The following ARHGAP35 variants were observed in gnomAD, a reference collection of about 807,000 sequenced individuals.
The protein encoded by ARHGAP35 is Rho GTPase activating protein 35.
A neutral mutation model predicts 111.1 loss-of-function variants in ARHGAP35; 15 were observed. The ratio of observed to expected loss-of-function variants is 0.13; its 90% CI spans 0.09 to 0.21. The LOEUF (loss-of-function observed/expected upper bound fraction) is 0.21. Ranked by LOEUF, ARHGAP35 falls within the 10% of genes least tolerant of loss-of-function variation. The probability of loss-of-function intolerance (pLI) is 1.00; values close to 1 mark genes in which losing one functional copy is unlikely to be tolerated. For missense variants in ARHGAP35, 1,262 were observed against 1,873.0 expected (o/e 0.67, Z 6.02); for synonymous variants, 643 against 710.3 (o/e 0.91, Z 1.51).
chr19:46,972,963 T>C (rs2122297318), intron 3 of ARHGAP35, among the ~76,000 whole-genome samples: 1 of 152,322 alleles, frequency 6.6e-6, no homozygotes, highest in South Asian at 2.1e-4. Flanking sequence ...CAGATAGTAT[T>C]CAACCCTGTT....
In ARHGAP35 at chr19:46,921,629, CAGA is replaced by C. The variant is rs767504984; in HGVS notation, c.2961_2963del (p.Glu987del). 4.4e-5 allele frequency: 71 copies of C among 1,613,870 alleles called. No individual in the cohort carries two copies. The highest frequency in any genetic ancestry group is 5.8e-5 in the Non-Finnish European group (68 of 1,179,892). ...CTCTGCAACTCAAACCTGCAGGATT[CAGA>C]AGAAGATATCGAGCCATCTTACAGC... On this transcript the variant is annotated inframe_deletion, in exon 2 of 7. Transcript: ENST00000672722. The surrounding 1 kb of genome is among the most constrained non-coding windows in gnomAD (Gnocchi z 4.3).
At chr19:46,972,006 GTTGT>G (rs576184775) in intron 3 of ARHGAP35, among the ~76,000 whole-genome samples, 7 of 151,930 alleles carry the variant, frequency 4.6e-5, no homozygotes, top group Admixed American at 2.0e-4. Flanking sequence ...GCTAATAAGT[GTTGT>G]TTGTTTGTTT....
intron 3 of ARHGAP35, among the ~76,000 whole-genome samples, chr19:46,968,317 A>G (rs1380427851): frequency 1.3e-5 from 2 of 152,228 alleles, no homozygotes. Flanking sequence ...ATGCGTGTGA[A>G]ACATTTAGGT....
chr19:46,996,663 A>G (rs552392575), intron 5 of ARHGAP35, among the ~76,000 whole-genome samples: 4 of 152,332 alleles, frequency 2.6e-5, no homozygotes, highest in Admixed American at 1.3e-4. Flanking sequence ...GCACCTACGG[A>G]GAGACCTGTG....
At chr19:46,935,719 G>A (rs2056303794) in intron 2 of ARHGAP35, among the ~76,000 whole-genome samples, 1 of 152,094 alleles carries the variant, frequency 6.6e-6, no homozygotes, top group Non-Finnish European at 1.5e-5. Context: ...GATACACCTG[G>A]GTCTAATTTA....
At chr19:46,930,939 A>G (rs1049925780) in intron 2 of ARHGAP35, among the ~76,000 whole-genome samples, 1 of 152,108 alleles carries the variant, frequency 6.6e-6, no homozygotes, top group African/African-American at 2.4e-5. Context: ...TTAAAAAAAA[A>G]CAAACCAAGA....
chr19:46,892,302 CA>C (rs1211422406), intron 1 of ARHGAP35, among the ~76,000 whole-genome samples: 145 of 63,718 alleles, frequency 2.3e-3, no homozygotes, highest in Admixed American at 3.9e-3. Context: ...GACTTTGTCT[CA>C]AAAAAAAAAA....
At chr19:46,996,550 T>A (rs990908446) in intron 5 of ARHGAP35, among the ~76,000 whole-genome samples, 1 of 152,086 alleles carries the variant, frequency 6.6e-6, no homozygotes, top group African/African-American at 2.4e-5. Flanking sequence ...CAGCCCCGTT[T>A]CCTGCCTCCA....
chr19:46,865,251 AACATGTTTT>A (rs2122851247), intron 1 of ARHGAP35, among the ~76,000 whole-genome samples: 1 of 152,338 alleles, frequency 6.6e-6, no homozygotes, highest in African/African-American at 2.4e-5. Context: ...TCAAGGTAGT[AACATGTTTT>A]CAAGGGCTCT....
rs2056667814 is a variant in ARHGAP35 at position 46,989,384 on chromosome 19, T to C, written c.3905-160T>C. 1 of 877,968 alleles carries C rather than the reference T, an allele frequency of 1.1e-6. No individual in the cohort carries two copies. Among genetic ancestry groups the C allele is most frequent in the Non-Finnish European group, 1.7e-6 (1 of 591,178 alleles). 54.4% of individuals were successfully genotyped at this position (877,968 alleles called of 1,614,324 possible). Reference sequence around the variant, plus strand: ...CCAGCCCATGCCTGAACCTCAGAACTCGCGTTAGCGCTCACAAGTCCCACC... The same window carrying C: ...CCAGCCCATGCCTGAACCTCAGAACCCGCGTTAGCGCTCACAAGTCCCACC... On this transcript the variant is annotated intron_variant, in intron 4 of 6. Coordinates refer to ENST00000672722, the MANE Select transcript of ARHGAP35 (RefSeq NM_004491.5). This position sits in a 1 kb window ranked among gnomAD's most constrained non-coding sequence, Gnocchi z 5.3.
At chr19:46,932,417 G>A (rs2056278230) in intron 2 of ARHGAP35, among the ~76,000 whole-genome samples, 1 of 152,198 alleles carries the variant, frequency 6.6e-6, no homozygotes, top group African/African-American at 2.4e-5. Flanking sequence ...GATGTTGGGT[G>A]TTGTTACTTT....
chr19:46,882,687 G>A (rs150551418), intron 1 of ARHGAP35, among the ~76,000 whole-genome samples: 4 of 152,142 alleles, frequency 2.6e-5, no homozygotes, highest in Admixed American at 2.0e-4. Context: ...TTTGTGTGAT[G>A]TTCCCCTCCC....
At position 46,937,254 on chromosome 19, in the gene ARHGAP35, T is replaced by G; in HGVS notation, c.3682-10T>G. 1.2e-6 allele frequency: 2 copies of G among 1,613,704 alleles called. No homozygotes were observed. Among genetic ancestry groups the G allele is most frequent in the Non-Finnish European group, 1.7e-6 (2 of 1,179,714 alleles). On this transcript the variant is annotated splice_polypyrimidine_tract_variant and intron_variant, in intron 2 of 6. Coordinates refer to ENST00000672722, the MANE Select transcript of ARHGAP35 (RefSeq NM_004491.5). ...TTGTTTTTGTGCTTCCCTTTCTCTT[T>G]CCTGGACAGAAACCAAAGCCCAAAC...
At chr19:46,911,118 A>G (rs1599812162) in intron 1 of ARHGAP35, among the ~76,000 whole-genome samples, 1 of 152,132 alleles carries the variant, frequency 6.6e-6, no homozygotes, top group African/African-American at 2.4e-5. Context: ...TTTCCAGTCA[A>G]TCTGTCCCAA....
intron 1 of ARHGAP35, among the ~76,000 whole-genome samples, chr19:46,894,605 C>G (rs537761331): frequency 1.3e-5 from 2 of 151,940 alleles, no homozygotes; most frequent in African/African-American, 4.8e-5. Flanking sequence ...GCCACCACAC[C>G]CAGCTAATTT....
At chr19:46,954,856 A>G (rs2056430474) in intron 3 of ARHGAP35, among the ~76,000 whole-genome samples, 1 of 152,236 alleles carries the variant, frequency 6.6e-6, no homozygotes, top group African/African-American at 2.4e-5. Context: ...TTTTTGTTTT[A>G]AAAGCCACAA....
chr19:46,965,421 T>C (rs1156586619), intron 3 of ARHGAP35, among the ~76,000 whole-genome samples: 2 of 152,242 alleles, frequency 1.3e-5, no homozygotes, highest in African/African-American at 4.8e-5. Context: ...AGTGCTTTAA[T>C]AGCTGGTAAA....
chr19:46,890,693 G>A (rs189448597), intron 1 of ARHGAP35, among the ~76,000 whole-genome samples: 27 of 152,336 alleles, frequency 1.8e-4, no homozygotes, highest in African/African-American at 6.3e-4. Context: ...CAGATTAGGT[G>A]TTTGGGGCCT....
intron 3 of ARHGAP35, among the ~76,000 whole-genome samples, chr19:46,956,845 A>G (rs2056441958): frequency 6.6e-6 from 1 of 151,732 alleles, no homozygotes; most frequent in South Asian, 2.1e-4. Context: ...GCAGTATTTT[A>G]TGTATGCATA....
Sources: gnomAD v4.1 joint callset for allele counts (sites outside exome capture counted in the v4.1 genomes callset) on GRCh38, gnomAD v4.1.1 for gene constraint, Gnocchi (gnomAD v3.1) non-coding constraint, MANE v1.5 for transcripts, NCBI Gene and HGNC (gene_info 2026-07-23, HGNC 2026-07-21) for gene names.